The following OTUD7B variants were observed in gnomAD, a reference collection of about 807,000 sequenced individuals.
OTUD7B encodes the protein OTU domain-containing protein 7B.
Under a neutral mutation model 82.2 loss-of-function variants are expected in OTUD7B, and 34 were observed. The observed-to-expected ratio is 0.41, with a 90% CI of 0.31 to 0.55. OTUD7B has a LOEUF of 0.55. Among genes scored for constraint, OTUD7B ranks in the 20% least tolerant of loss-of-function variants. OTUD7B has a pLI of 0.20. For synonymous variants in OTUD7B, 398 were observed against 402.7 expected (o/e 0.99, Z 0.14); for missense variants, 944 against 1,062.1 (o/e 0.89, Z 1.55).
Position 149,949,093 on chromosome 1 carries a change from A to G in OTUD7B, c.1124-10T>C, listed in dbSNP as rs587714028. On this transcript the variant is annotated splice_polypyrimidine_tract_variant and intron_variant, in intron 9 of 11. Transcript: ENST00000581312. ...GTAAGTGGGATCACAGCTGGAGAGG[A>G]AGAAACATATCATCAAGGAATCTCC... is the stretch of plus-strand genomic sequence containing the variant. 1.2e-5 allele frequency: 19 copies of G among 1,520,210 alleles called. No individual in the cohort carries two copies. In the East Asian group the frequency reaches 1.3e-4, roughly 11 times the overall value. 94.2% of individuals were successfully genotyped at this position (1,520,210 alleles called of 1,614,324 possible).
chr1:149,985,761 C>A (rs1238021365), intron 1 of OTUD7B, among the ~76,000 whole-genome samples: 1 of 139,342 alleles, frequency 7.2e-6, no homozygotes, highest in African/African-American at 2.7e-5. Context: ...AAAAAAAAAT[C>A]TATACAGGAC....
intron 3 of OTUD7B, among the ~76,000 whole-genome samples, chr1:149,967,993 G>C (rs1207769253): frequency 6.6e-6 from 1 of 152,070 alleles, no homozygotes; most frequent in African/African-American, 2.4e-5. Context: ...GATTATAAAA[G>C]AAATCCATTA....
chr1:150,003,453 C>G (rs1374619062), intron 1 of OTUD7B, among the ~76,000 whole-genome samples: 1 of 152,066 alleles, frequency 6.6e-6, no homozygotes, highest in Non-Finnish European at 1.5e-5. Flanking sequence ...ATCCTTAATT[C>G]ATCTTTCAAG....
the OTUD7B span, among the ~76,000 whole-genome samples, chr1:150,036,690 TAGAATG>T: frequency 6.6e-6 from 1 of 152,200 alleles, no homozygotes; most frequent in African/African-American, 2.4e-5. Flanking sequence ...TTTGTTTTAA[TAGAATG>T]ATCCACAAAG....
At chr1:150,012,958 C>T (rs1653142079), upstream of OTUD7B, among the ~76,000 whole-genome samples, 1 of 152,192 alleles carries the variant, frequency 6.6e-6, no homozygotes, top group African/African-American at 2.4e-5. Flanking sequence ...CCTTCCCATT[C>T]CTGTGTCTCA....
chr1:150,036,330 G>A, the OTUD7B span, among the ~76,000 whole-genome samples: 17 of 147,976 alleles, frequency 1.1e-4, no homozygotes, highest in Admixed American at 6.9e-4. Context: ...GCGCGAGCTC[G>A]GCTGACTGCA....
intron 1 of OTUD7B, among the ~76,000 whole-genome samples, chr1:149,991,651 G>A (rs1212133095): frequency 6.6e-6 from 1 of 152,126 alleles, no homozygotes; most frequent in Non-Finnish European, 1.5e-5. Flanking sequence ...AGGAGAGTGA[G>A]ATTAAGTGAC....
chr1:149,946,265 A>G (rs190758852), intron 11 of OTUD7B, among the ~76,000 whole-genome samples: 4 of 151,882 alleles, frequency 2.6e-5, no homozygotes, highest in African/African-American at 9.7e-5. Context: ...CGGGAGGCTG[A>G]GGCAGGAGAA....
intron 10 of OTUD7B, among the ~76,000 whole-genome samples, 172 bp downstream of exon 10, chr1:149,948,797 G>A (rs1237881271): frequency 6.6e-6 from 1 of 152,180 alleles, no homozygotes; most frequent in Non-Finnish European, 1.5e-5. Context: ...AAAAGCAGCT[G>A]CACCATGAAA....
Position 149,939,853 on chromosome 1 carries a change from CA to C in OTUD7B, c.*4003del, listed in dbSNP as rs1194210478. ...CTGAGACAGGAGAATCACTTGAACC[CA>C]GGAGACGGTGGTTGGAGTGAGCCGA... On this transcript the variant is annotated 3_prime_UTR_variant, in exon 12 of 12. Transcript: ENST00000581312. The C allele has an allele frequency of 6.6e-6, 1 of 151,928 alleles. No homozygotes were observed. Among genetic ancestry groups the C allele is most frequent in the Non-Finnish European group, 1.5e-5 (1 of 68,000 alleles). 9.4% of individuals were successfully genotyped at this position (151,928 alleles called of 1,614,324 possible).
rs1191375277 is a variant in OTUD7B at position 149,954,140 on chromosome 1, T to C, written c.846-3919A>G. Among the ~76,000 whole-genome samples, 13 of 152,360 alleles carry C rather than the reference T, an allele frequency of 8.5e-5. No homozygotes were observed. The South Asian group carries it at 2.7e-3, about 32-fold the overall frequency. On this transcript the variant is annotated intron_variant, in intron 7 of 11. Transcript: ENST00000581312. The stretch of plus-strand genomic sequence containing the variant: ...GTCTTGCACCAGTTTTCGAAAGGAA[T>C]GCTTCCAGTTTCTGCCCATTCAGTA...
chr1:149,975,360 T>A (rs1165632280), intron 2 of OTUD7B, among the ~76,000 whole-genome samples: 1 of 152,244 alleles, frequency 6.6e-6, no homozygotes, highest in Non-Finnish European at 1.5e-5. Context: ...CATAATTGCT[T>A]ACAGCCATAC....
the OTUD7B span, among the ~76,000 whole-genome samples, chr1:150,028,734 A>G: frequency 6.6e-6 from 1 of 152,166 alleles, no homozygotes; most frequent in African/African-American, 2.4e-5. Flanking sequence ...GCAATGGCAC[A>G]GTCTCAGCTC....
intron 7 of OTUD7B, among the ~76,000 whole-genome samples, chr1:149,959,240 G>GA (rs1318735406): frequency 1 from 151,207 of 151,218 alleles, 75,598 homozygotes; most frequent in Middle Eastern, 1. Context: ...AGAAAAAAAA[G>GA]AAAGAAAAAG....
chr1:150,012,005 C>T (rs1553787518), upstream of OTUD7B, among the ~76,000 whole-genome samples: 1 of 152,194 alleles, frequency 6.6e-6, no homozygotes, highest in African/African-American at 2.4e-5. Flanking sequence ...TAGGGCTGGG[C>T]CCAAGGCTGT....
chr1:149,958,322 C>CTTTTTTTTTTTTT (rs34299927), intron 7 of OTUD7B, among the ~76,000 whole-genome samples: 6 of 86,394 alleles, frequency 6.9e-5, no homozygotes, highest in Non-Finnish European at 1.2e-4. Context: ...AAAGGACTAC[C>CTTTTTTTTTTTTT]TTTTTTTTTT....
At position 149,943,590 on chromosome 1, in the gene OTUD7B, C is replaced by A; in HGVS notation, c.*267G>T. On this transcript the variant is annotated 3_prime_UTR_variant, in exon 12 of 12. Transcript: ENST00000581312. ...GGATGGGACCCAGGAGGTTATAAGA[C>A]AGAATCGCCATCTTTTCCCCTTGTA... is the stretch of plus-strand genomic sequence containing the variant. 3 of 430,298 alleles carry A rather than the reference C, an allele frequency of 7.0e-6. No individual in the cohort carries two copies. The highest frequency in any genetic ancestry group is 1.3e-5 in the Non-Finnish European group (3 of 238,386). 26.7% of individuals were successfully genotyped at this position (430,298 alleles called of 1,614,324 possible). A position where few individuals can be genotyped will look rare whatever the true frequency, so the allele number is the denominator to read the frequency against.
intron 6 of OTUD7B, chr1:149,961,011 C>G (rs1221845188): frequency 7.0e-6 from 1 of 143,646 alleles, no homozygotes; most frequent in Non-Finnish European, 1.5e-5. Context: ...ACTGCAACCT[C>G]CACCTCCCGG....
At chr1:149,999,525 G>T (rs1316342875) in intron 1 of OTUD7B, among the ~76,000 whole-genome samples, 1 of 152,178 alleles carries the variant, frequency 6.6e-6, no homozygotes, top group Non-Finnish European at 1.5e-5. Context: ...GGCAAAAGCA[G>T]ATGCTCACAA....
Sources: gnomAD v4.1 joint callset for allele counts (sites outside exome capture counted in the v4.1 genomes callset) on GRCh38, gnomAD v4.1.1 for gene constraint, MANE v1.5 for transcripts, NCBI Gene and HGNC (gene_info 2026-07-23, HGNC 2026-07-21) for gene names.